SETBP1: variants seen among roughly 807,000 people sequenced by gnomAD.
SETBP1 encodes SET-binding protein.
SETBP1 carries 9 observed loss-of-function variants against 101.0 expected under a neutral mutation model. The ratio of observed to expected loss-of-function variants is 0.09; its 90% CI spans 0.05 to 0.16. SETBP1 has a LOEUF of 0.16. Among genes scored for constraint, SETBP1 ranks in the 10% least tolerant of loss-of-function variants. The probability of loss-of-function intolerance (pLI) is 1.00; values close to 1 mark genes in which losing one functional copy is unlikely to be tolerated. For synonymous variants in SETBP1, 818 were observed against 788.5 expected, an observed-to-expected ratio of 1.04 and a Z score of -0.63; for missense variants, 1,858 against 2,033.8, an observed-to-expected ratio of 0.91 and a Z score of 1.66.
rs2070689373 is a variant in SETBP1, at chr18:44,762,935, A to T, written c.486+61103A>T. 2.0e-5 allele frequency among the ~76,000 whole-genome samples: 3 copies of T among 152,256 alleles called. 1 individual carries two copies. In the South Asian group the frequency reaches 6.2e-4, roughly 31 times the overall value. On this transcript the variant is annotated intron_variant, in intron 2 of 5. Coordinates refer to ENST00000649279, the MANE Select transcript of SETBP1 (RefSeq NM_015559.3). Reference sequence around the variant, plus strand: ...TTTATTTGGTGTAAGGCATGGTGTCAAGTATTACATAGAATAAAGACTTGG... The same window carrying T: ...TTTATTTGGTGTAAGGCATGGTGTCTAGTATTACATAGAATAAAGACTTGG...
intron 2 of SETBP1, among the ~76,000 whole-genome samples, chr18:44,809,591 A>G (rs1599157892): frequency 6.6e-6 from 1 of 152,234 alleles, no homozygotes; most frequent in African/African-American, 2.4e-5. Flanking sequence ...GATCCAGGGA[A>G]GAGGCTCTGT....
intron 4 of SETBP1, among the ~76,000 whole-genome samples, chr18:45,006,183 A>G (rs887687242): frequency 2.6e-5 from 4 of 151,302 alleles, no homozygotes; most frequent in African/African-American, 9.7e-5. Flanking sequence ...CAATCTCTTG[A>G]CCTCATGATC....
At chr18:44,965,630 A>G (rs2071705755) in intron 4 of SETBP1, among the ~76,000 whole-genome samples, 2 of 152,168 alleles carry the variant, frequency 1.3e-5, no homozygotes, top group Admixed American at 1.3e-4. Context: ...AAAGGAGAAA[A>G]CAAAATTTTC....
chr18:44,877,895 T>C (rs1279773273), intron 3 of SETBP1, among the ~76,000 whole-genome samples: 1 of 152,210 alleles, frequency 6.6e-6, no homozygotes, highest in Non-Finnish European at 1.5e-5. Flanking sequence ...ACTAAATCTC[T>C]AGACCTCAGT....
At chr18:44,904,282 A>G (rs1460005130) in intron 3 of SETBP1, among the ~76,000 whole-genome samples, 1 of 152,204 alleles carries the variant, frequency 6.6e-6, no homozygotes, top group Non-Finnish European at 1.5e-5. Context: ...TTTTCTGACA[A>G]TACATACACA....
chr18:44,980,993 A>T (rs180981499), intron 4 of SETBP1, among the ~76,000 whole-genome samples: 1 of 152,302 alleles, frequency 6.6e-6, no homozygotes, highest in African/African-American at 2.4e-5. Context: ...CCCAAAGTTA[A>T]AGTGGTCCCC....
intron 3 of SETBP1, among the ~76,000 whole-genome samples, chr18:44,886,190 C>T (rs577638331): frequency 3.9e-5 from 6 of 152,252 alleles, no homozygotes; most frequent in East Asian, 1.9e-4. Context: ...GTCTTTGCTA[C>T]GGTGTGTCTC....
At chr18:44,917,194 G>A (rs1156919217) in intron 3 of SETBP1, among the ~76,000 whole-genome samples, 1 of 152,222 alleles carries the variant, frequency 6.6e-6, no homozygotes, top group African/African-American at 2.4e-5. Context: ...GCGTGCACCA[G>A]GATGCCTGTG....
rs1018470585 is a variant in SETBP1 at position 44,706,591 on chromosome 18, C to CAAAAAA, written c.486+4789_486+4794dup. Among the ~76,000 whole-genome samples the CAAAAAA allele has an allele frequency of 3.2e-3, 54 of 16,978 alleles. 9 individuals are homozygous for CAAAAAA. The highest frequency in any genetic ancestry group is 5.9e-3 in the African/African-American group (25 of 4,230). 11.1% of individuals were successfully genotyped at this position (16,978 alleles called of 152,430 possible). ...TGGGTGACAGAATGAGACTCAATCT[C>CAAAAAA]AAAAAAAAAAAAAAAAAAAAAAAAA... On this transcript the variant is annotated intron_variant, in intron 2 of 5. Transcript: ENST00000649279.
At chr18:44,946,961 A>T (rs188066770) in intron 3 of SETBP1, among the ~76,000 whole-genome samples, 1 of 152,302 alleles carries the variant, frequency 6.6e-6, no homozygotes, top group African/African-American at 2.4e-5. Flanking sequence ...TAGATCATTG[A>T]TCTCACTATT....
At chr18:44,948,899 G>A (rs1468446653) in intron 3 of SETBP1, among the ~76,000 whole-genome samples, 1 of 152,218 alleles carries the variant, frequency 6.6e-6, no homozygotes, top group African/African-American at 2.4e-5. Flanking sequence ...AGTCAGTCCT[G>A]AGAAAGATTC....
intron 2 of SETBP1, among the ~76,000 whole-genome samples, chr18:44,868,696 GAGGACGGAAGGAAGGGAGGA>G (rs2069187629): frequency 9.3e-6 from 1 of 107,274 alleles, no homozygotes; most frequent in Admixed American, 9.0e-5. Flanking sequence ...GAGAGAGAGA[GAGGACGGAAGGAAGGGAGGA>G]AGGAAGGAAG....
At chr18:44,738,773 CAAAAAA>C (rs34390519) in intron 2 of SETBP1, among the ~76,000 whole-genome samples, 2 of 79,784 alleles carry the variant, frequency 2.5e-5, no homozygotes, top group African/African-American at 5.0e-5. Context: ...GACTCCATCT[CAAAAAA>C]AAAAAAAAAA....
chr18:44,693,036 A>G (rs572064709), intron 1 of SETBP1, among the ~76,000 whole-genome samples: 1 of 152,330 alleles, frequency 6.6e-6, no homozygotes, highest in South Asian at 2.1e-4. Flanking sequence ...ATGTATCTTC[A>G]GGGTCAGAGA....
intron 3 of SETBP1, among the ~76,000 whole-genome samples, chr18:44,926,868 G>A (rs995708782): frequency 1.1e-4 from 17 of 152,172 alleles, no homozygotes; most frequent in African/African-American, 4.1e-4. Context: ...CTTGGAGGTC[G>A]GTTCAAGAAT....
intron 3 of SETBP1, among the ~76,000 whole-genome samples, chr18:44,940,938 G>C (rs1320924127): frequency 6.6e-6 from 1 of 151,916 alleles, no homozygotes; most frequent in Non-Finnish European, 1.5e-5. Context: ...TTATTTATCT[G>C]AATATCTTTA....
intron 3 of SETBP1, among the ~76,000 whole-genome samples, chr18:44,917,682 A>G (rs529910171): frequency 6.6e-6 from 1 of 152,018 alleles, no homozygotes; most frequent in Non-Finnish European, 1.5e-5. Context: ...AGTCCTCAGC[A>G]TTTCCCTCAC....
chr18:44,792,871 A>G (rs1457123417), intron 2 of SETBP1, among the ~76,000 whole-genome samples: 1 of 152,152 alleles, frequency 6.6e-6, no homozygotes, highest in Non-Finnish European at 1.5e-5. Context: ...AAAAAAAAAA[A>G]AGTTTATCCC....
chr18:44,745,394 G>T (rs186184256), intron 2 of SETBP1, among the ~76,000 whole-genome samples: 2 of 152,098 alleles, frequency 1.3e-5, no homozygotes. Context: ...GACCAAGATC[G>T]CAGCCTCAGT....
Sources: gnomAD v4.1 joint callset for allele counts (sites outside exome capture counted in the v4.1 genomes callset) on GRCh38, gnomAD v4.1.1 for gene constraint, MANE v1.5 for transcripts, NCBI Gene and HGNC (gene_info 2026-07-23, HGNC 2026-07-21) for gene names.